Variants in LPA observed in about 807,000 individuals in gnomAD.
LPA encodes lipoprotein(a).
Under a neutral mutation model 197.9 loss-of-function variants are expected in LPA, and 199 were observed. The ratio of observed to expected loss-of-function variants is 1.01; its 90% confidence interval spans 0.90 to 1.13. The LOEUF (loss-of-function observed/expected upper bound fraction) is 1.13, where lower values mean the gene tolerates loss of function less well. Among genes scored for constraint, LPA ranks in the 50% most tolerant of loss-of-function variants. The pLI, the probability that LPA is intolerant of heterozygous loss-of-function variation, is 0.00. For synonymous variants in LPA, 715 were observed against 639.5 expected (o/e 1.12, Z -1.78); for missense variants, 1,853 against 1,785.8 (o/e 1.04, Z -0.68).
At chr6:160,566,454 C>A (rs910630672) in intron 28 of LPA, among the ~76,000 whole-genome samples, 1 of 152,112 alleles carries the variant, frequency 6.6e-6, no homozygotes, top group Non-Finnish European at 1.5e-5. Context: ...GAGATTTTGT[C>A]ACCACCAGGC....
chr6:160,545,340 A>C (rs973722282), intron 33 of LPA, 100 bp downstream of exon 33: 20 of 858,274 alleles, frequency 2.3e-5, no homozygotes, highest in Admixed American at 4.0e-5. Context: ...TCCTCCCCAG[A>C]AGCACTCAGC....
intron 28 of LPA, among the ~76,000 whole-genome samples, chr6:160,567,791 AAT>A (rs1454559199): frequency 1.3e-5 from 2 of 152,230 alleles, no homozygotes; most frequent in Non-Finnish European, 2.9e-5. Flanking sequence ...AAATAGATGC[AAT>A]AAAAAATGAT....
intron 18 of LPA, among the ~76,000 whole-genome samples, chr6:160,603,259 T>TGC (rs1468956190): frequency 1.3e-5 from 2 of 151,430 alleles, no homozygotes; most frequent in Admixed American, 6.6e-5. Flanking sequence ...TGTGTGTGTG[T>TGC]GCGTGCATGT....
intron 21 of LPA, 67 bp from the exon 22 acceptor site, chr6:160,594,184 G>A: frequency 2.5e-6 from 4 of 1,587,608 alleles, no homozygotes; most frequent in Non-Finnish European, 2.6e-6. Context: ...GAAGAAATCT[G>A]TGACTGAAAC....
Position 160,595,394 on chromosome 6 carries a change from C to G in LPA, c.3429G>C (p.Thr1143=), listed in dbSNP as rs767234041. 1 of 1,613,630 alleles carries G rather than the reference C, an allele frequency of 6.2e-7. No homozygotes were observed. Among genetic ancestry groups the G allele is most frequent in the Non-Finnish European group, 8.5e-7 (1 of 1,179,906 alleles). ...CCTCTGTGCTTGGATCTGGGACCAC[C>G]GTGAGAGTTGCAAGGACACTTGATT... ...VTESSVLATL[T]VVPDPSTEAS... Residue 1143 remains threonine (T), a synonymous_variant, in exon 21 of 39, where the codon ACG becomes ACC. Coordinates refer to ENST00000316300, the MANE Select transcript of LPA (RefSeq NM_005577.4).
intron 18 of LPA, among the ~76,000 whole-genome samples, chr6:160,602,019 C>A (rs751290071): frequency 6.6e-6 from 1 of 152,180 alleles, no homozygotes; most frequent in Non-Finnish European, 1.5e-5. Flanking sequence ...AAGAACATTG[C>A]TCCAACCTCT....
intron 1 of LPA, among the ~76,000 whole-genome samples, chr6:160,658,658 T>C (rs1031854053): frequency 6.6e-6 from 1 of 152,182 alleles, no homozygotes; most frequent in Non-Finnish European, 1.5e-5. Flanking sequence ...TGCATAACTC[T>C]CTAAACAATT....
chr6:160,607,465 A>G (rs1779382676), intron 16 of LPA, among the ~76,000 whole-genome samples: 1 of 152,158 alleles, frequency 6.6e-6, no homozygotes, highest in Admixed American at 6.5e-5. Context: ...CATGGCATAA[A>G]GGAAGATGGC....
Position 160,556,265 on chromosome 6 carries a change from A to C in LPA, c.4814-81T>G, listed in dbSNP as rs1183823651. On this transcript the variant is annotated intron_variant, in intron 29 of 38. Coordinates refer to ENST00000316300, the MANE Select transcript of LPA (RefSeq NM_005577.4). ...CAATTTATGACACAAACAGGACAGT[A>C]GTTTCAGAATTATGACTGTTCTCTT... 1.0e-5 allele frequency: 14 copies of C among 1,358,302 alleles called. No homozygotes were observed. In the Admixed American group the frequency reaches 1.2e-4, roughly 12 times the overall value. 84.1% of individuals were successfully genotyped at this position (1,358,302 alleles called of 1,614,324 possible).
At chr6:160,542,360 A>T in intron 34 of LPA, among the ~76,000 whole-genome samples, 1 of 152,150 alleles carries the variant, frequency 6.6e-6, no homozygotes, top group Non-Finnish European at 1.5e-5. Flanking sequence ...CTTTCTTTTC[A>T]TCTGACAGTG....
At chr6:160,534,961 G>A (rs1277375715) in intron 37 of LPA, among the ~76,000 whole-genome samples, 4 of 147,966 alleles carry the variant, frequency 2.7e-5, no homozygotes, top group South Asian at 2.1e-4. Context: ...TGGTGGTGCT[G>A]GTGATGATGG....
Position 160,646,335 on chromosome 6 carries a change from C to T in LPA, c.270G>A (p.Thr90=). ...PDAVAAPYCY[T]RDPGVRWEYC... Reference sequence around the variant, plus strand: ...ACTCCCACCTGACACCGGGATCCCTCGTATAACAATAAGGAGCTGCCACAG... The same window carrying T: ...ACTCCCACCTGACACCGGGATCCCTTGTATAACAATAAGGAGCTGCCACAG... The change falls in exon 3 of 39, where the codon ACG becomes ACA. Residue 90 remains threonine, a synonymous_variant. Transcript: ENST00000316300. The T allele has an allele frequency of 4.0e-5, 2 of 49,882 alleles. No individual in the cohort carries two copies. Among genetic ancestry groups the T allele is most frequent in the Non-Finnish European group, 6.7e-5 (2 of 29,718 alleles). 3.1% of individuals were successfully genotyped at this position (49,882 alleles called of 1,614,324 possible).
chr6:160,599,424 C>T (rs1779194718), intron 20 of LPA, 76 bp downstream of exon 20: 13 of 1,591,414 alleles, frequency 8.2e-6, no homozygotes, highest in Non-Finnish European at 1.0e-5. Context: ...CCTGAGCAGT[C>T]ACCTTGAAGC....
At chr6:160,595,997 T>G (rs1253235495) in intron 20 of LPA, among the ~76,000 whole-genome samples, 1 of 152,224 alleles carries the variant, frequency 6.6e-6, no homozygotes, top group African/African-American at 2.4e-5. Flanking sequence ...ATACAAATAT[T>G]TCTCTGTCAG....
chr6:160,634,725 T>C (rs1301127167), intron 7 of LPA, among the ~76,000 whole-genome samples: 2 of 151,932 alleles, frequency 1.3e-5, no homozygotes, highest in Non-Finnish European at 2.9e-5. Flanking sequence ...GCCACATTTT[T>C]TGAAATCTGC....
intron 28 of LPA, among the ~76,000 whole-genome samples, chr6:160,561,029 C>T (rs1778352522): frequency 6.6e-6 from 1 of 152,144 alleles, no homozygotes; most frequent in Non-Finnish European, 1.5e-5. Context: ...CCTGCCTCAG[C>T]CTCCCAAGTA....
rs1449691823 is a variant in LPA at position 160,531,504 on chromosome 6, G to A, written c.*225C>T. On this transcript the variant is annotated 3_prime_UTR_variant, in exon 39 of 39. Coordinates refer to ENST00000316300, the MANE Select transcript of LPA (RefSeq NM_005577.4). ...TAATTCAAATCAAAATAAGTGCAGA[G>A]TTTATTTTTAACAAATGTCATAGCT... 2.1e-5 allele frequency: 12 copies of A among 582,626 alleles called. No individual in the cohort carries two copies. In the East Asian group the frequency reaches 3.6e-4, roughly 18 times the overall value. 36.1% of individuals were successfully genotyped at this position (582,626 alleles called of 1,614,324 possible). A position where few individuals can be genotyped will look rare whatever the true frequency, so the allele number is the denominator to read the frequency against.
chr6:160,593,260 C>A (rs1779064645), intron 22 of LPA, among the ~76,000 whole-genome samples: 1 of 152,138 alleles, frequency 6.6e-6, no homozygotes, highest in South Asian at 2.1e-4. Context: ...CTTTGATTCC[C>A]TTTCTGAATT....
intron 16 of LPA, among the ~76,000 whole-genome samples, chr6:160,606,978 G>A (rs1225751738): frequency 1.3e-5 from 2 of 151,988 alleles, no homozygotes; most frequent in African/African-American, 4.8e-5. Context: ...CATCTCTCTG[G>A]AATAACTGGT....
Sources: gnomAD v4.1 joint callset for allele counts (sites outside exome capture counted in the v4.1 genomes callset) on GRCh38, gnomAD v4.1.1 for gene constraint, MANE v1.5 for transcripts, NCBI Gene and HGNC (gene_info 2026-07-23, HGNC 2026-07-21) for gene names.